ATP9B: variants seen among roughly 807,000 people sequenced by gnomAD.
ATP9B encodes the protein probable phospholipid-transporting ATPase IIB.
Under a neutral mutation model 146.1 loss-of-function variants are expected in ATP9B, and 110 were observed. The observed-to-expected ratio is 0.75, with a 90% confidence interval of 0.65 to 0.88. The LOEUF (loss-of-function observed/expected upper bound fraction) is 0.88, where lower values mean the gene tolerates loss of function less well. Ranked by LOEUF, ATP9B falls within the 40% of genes least tolerant of loss-of-function variation. The probability of loss-of-function intolerance (pLI) is 0.00; values close to 1 mark genes in which losing one functional copy is unlikely to be tolerated. For missense variants in ATP9B, 1,499 were observed against 1,496.4 expected (o/e 1.00, Z -0.03); for synonymous variants, 604 against 569.7 (o/e 1.06, Z -0.86).
chr18:79,074,491 G>A (rs1357936306), intron 1 of ATP9B, among the ~76,000 whole-genome samples: 2 of 152,386 alleles, frequency 1.3e-5, no homozygotes, highest in East Asian at 3.9e-4. Flanking sequence ...GGCCCCTTAT[G>A]TGGTGGGGTT....
chr18:79,241,207 T>A (rs2095884743), intron 11 of ATP9B, among the ~76,000 whole-genome samples: 1 of 152,212 alleles, frequency 6.6e-6, no homozygotes. Flanking sequence ...TTTTTGGTTG[T>A]CTCAAGCATT....
At chr18:79,186,099 A>G (rs558855493) in intron 8 of ATP9B, among the ~76,000 whole-genome samples, 5 of 152,204 alleles carry the variant, frequency 3.3e-5, no homozygotes, top group Admixed American at 6.5e-5. Flanking sequence ...TGATCAAACA[A>G]ATTTATTAAC....
chr18:79,233,423 C>T (rs1314838363), intron 11 of ATP9B, among the ~76,000 whole-genome samples: 1 of 152,154 alleles, frequency 6.6e-6, no homozygotes, highest in Non-Finnish European at 1.5e-5. Flanking sequence ...TCAGAGGACA[C>T]CAAGCTGGTT....
rs749382348 is a variant in ATP9B at position 79,110,480 on chromosome 18, A to G, written c.419A>G (p.Tyr140Cys). 1.2e-6 allele frequency: 2 copies of G among 1,613,380 alleles called. No individual in the cohort carries two copies. The highest frequency in any genetic ancestry group is 1.7e-6 in the Non-Finnish European group (2 of 1,179,602). ...HPRNSIKNQK[Y>C]NVFTFIPGVL... ...AGGAATTCTATAAAAAATCAAAAAT[A>G]CAATGTGTTTACCTTTATACCTGGG... Residue 140 changes from tyrosine (Y) to cysteine (C), a missense_variant, in exon 3 of 30, where the codon TAC becomes TGC. Physicochemically the swap from Tyr to Cys is radical, Grantham distance 194 (BLOSUM62 -2). Transcript: ENST00000426216.
In ATP9B at chr18:79,144,074, T is replaced by C. The variant is rs144227577; in HGVS notation, c.726+214T>C. The C allele has an allele frequency of 1.5e-3, 558 of 362,528 alleles. 3 individuals carry two copies. The highest frequency in any genetic ancestry group is 0.011 in the African/African-American group (509 of 47,624). The allele number at this position is 362,528 out of a possible 1,614,324, so 22.5% of individuals were successfully genotyped here. A position where few individuals can be genotyped will look rare whatever the true frequency, so the allele number is the denominator to read the frequency against. Reference sequence around the variant, plus strand: ...AGTGTGTGCAGGCAAAGTCATATTTTTTCTGAAATAAGATGGTTAACTGCT... The same window carrying C: ...AGTGTGTGCAGGCAAAGTCATATTTCTTCTGAAATAAGATGGTTAACTGCT... On this transcript the variant is annotated intron_variant, in intron 6 of 29. Transcript: ENST00000426216.
intron 5 of ATP9B, among the ~76,000 whole-genome samples, chr18:79,135,409 T>A (rs1460322547): frequency 2.0e-5 from 3 of 152,218 alleles, no homozygotes; most frequent in African/African-American, 7.2e-5. Context: ...TGGATTCTTC[T>A]CTGAATGTGC....
intron 25 of ATP9B, 39 bp from the exon 26 acceptor site, chr18:79,359,315 G>A (rs1303779195): frequency 6.7e-7 from 1 of 1,484,512 alleles, no homozygotes; most frequent in African/African-American, 1.4e-5. Flanking sequence ...TGTGGTAGAA[G>A]TTTCTCACGC....
intron 25 of ATP9B, among the ~76,000 whole-genome samples, chr18:79,356,486 G>T (rs1009669528): frequency 1.3e-5 from 2 of 152,210 alleles, no homozygotes; most frequent in East Asian, 1.9e-4. Flanking sequence ...CAACCCAGAT[G>T]TAACTTCAGT....
intron 1 of ATP9B, among the ~76,000 whole-genome samples, chr18:79,078,876 T>C (rs1237887995): frequency 6.6e-6 from 1 of 152,228 alleles, no homozygotes; most frequent in Non-Finnish European, 1.5e-5. Flanking sequence ...GTGTTCTCAT[T>C]GTTCAACTCC....
intron 3 of ATP9B, 22 bp from the exon 4 acceptor site, chr18:79,113,219 A>C: frequency 7.1e-7 from 1 of 1,416,044 alleles, no homozygotes; most frequent in Non-Finnish European, 9.8e-7. Context: ...GAATTTTGTT[A>C]ATTTTCTCTT....
rs539096475 is a variant in ATP9B at position 79,366,915 on chromosome 18, G to A, written c.3013-5910G>A. Among the ~76,000 whole-genome samples the A allele has an allele frequency of 2.3e-3, 354 of 152,360 alleles. 2 individuals are homozygous for A. The highest frequency in any genetic ancestry group is 3.9e-3 in the South Asian group (19 of 4,822). ...GGAGGCAGGTCTGACGGCGTCAGAG[G>A]CTGAGCCTCCCACGGGCTAGCACTG... On this transcript the variant is annotated intron_variant, in intron 26 of 29. Transcript: ENST00000426216.
At chr18:79,272,525 T>C (rs928991747) in intron 12 of ATP9B, among the ~76,000 whole-genome samples, 11 of 151,760 alleles carry the variant, frequency 7.2e-5, no homozygotes, top group African/African-American at 2.7e-4. Context: ...ACGGATACGC[T>C]CCTGTCCCTG....
intron 26 of ATP9B, chr18:79,360,763 A>G (rs2096983244): frequency 6.6e-6 from 1 of 152,260 alleles, no homozygotes; most frequent in South Asian, 2.1e-4. Context: ...CACATGAAAT[A>G]TAAATACCAA....
chr18:79,361,897 A>G (rs2096991430), intron 26 of ATP9B: 1 of 647,352 alleles, frequency 1.5e-6, no homozygotes, highest in Non-Finnish European at 1.9e-6. Context: ...GTAGGACAAC[A>G]TAGCCCTGCT....
At position 79,121,021 on chromosome 18, in the gene ATP9B, T is replaced by A. The variant is rs571952620; in HGVS notation, c.559-5246T>A. ...GGCCTTGGTAAGGTTACTTACTCAC[T>A]TTGTGTCTCAATTCCCTTATCTGTA... is the stretch of plus-strand genomic sequence containing the variant. On this transcript the variant is annotated intron_variant, in intron 4 of 29. Coordinates refer to ENST00000426216, the MANE Select transcript of ATP9B (RefSeq NM_198531.5). Among the ~76,000 whole-genome samples the A allele has an allele frequency of 3.9e-5, 6 of 152,326 alleles. 1 individual carries two copies. The South Asian group carries it at 1.2e-3, about 32-fold the overall frequency.
chr18:79,189,779 C>T (rs553018377), intron 8 of ATP9B, among the ~76,000 whole-genome samples: 1 of 152,232 alleles, frequency 6.6e-6, no homozygotes, highest in African/African-American at 2.4e-5. Flanking sequence ...ACATACTTAG[C>T]AGCTCAGTTT....
chr18:79,113,012 T>C (rs1348865689), intron 3 of ATP9B, among the ~76,000 whole-genome samples: 1 of 152,194 alleles, frequency 6.6e-6, no homozygotes, highest in Non-Finnish European at 1.5e-5. Flanking sequence ...GTCCTAATTG[T>C]CTTATTTTCA....
At chr18:79,310,831 T>G (rs1290842964) in intron 15 of ATP9B, among the ~76,000 whole-genome samples, 6 of 152,202 alleles carry the variant, frequency 3.9e-5, no homozygotes, top group Non-Finnish European at 8.8e-5. Context: ...TTTTTATATA[T>G]GCACGCTAGC....
intron 9 of ATP9B, among the ~76,000 whole-genome samples, chr18:79,198,079 T>G (rs1294841305): frequency 6.6e-6 from 1 of 152,206 alleles, no homozygotes; most frequent in Non-Finnish European, 1.5e-5. Flanking sequence ...AAACAAGTCT[T>G]AGTATATTTT....
Sources: gnomAD v4.1 joint callset for allele counts (sites outside exome capture counted in the v4.1 genomes callset) on GRCh38, gnomAD v4.1.1 for gene constraint, MANE v1.5 for transcripts, NCBI Gene and HGNC (gene_info 2026-07-23, HGNC 2026-07-21) for gene names.